The following ACIN1 variants were observed in gnomAD, a reference collection of about 807,000 sequenced individuals.
ACIN1 encodes the protein apoptotic chromatin condensation inducer in the nucleus.
In ACIN1, 16 loss-of-function variants were observed where a neutral mutation model predicts 146.6. The observed-to-expected ratio is 0.11, with a 90% confidence interval of 0.07 to 0.17. The LOEUF (loss-of-function observed/expected upper bound fraction) is 0.17. Ranked by LOEUF, ACIN1 falls within the 10% of genes least tolerant of loss-of-function variation. ACIN1 has a pLI of 1.00. For synonymous variants in ACIN1, 569 were observed against 582.7 expected (o/e 0.98, Z 0.34); for missense variants, 1,357 against 1,609.3 (o/e 0.84, Z 2.68).
rs2047183353 is a variant in ACIN1 at position 23,059,086 on chromosome 14, C to G, written c.*62G>C. ...AGGGTGGTGGAGACTGTGCCTATCCCTCTGTGGCCATAACCCCCTGGGGCC... is the reference window on the plus strand; with the variant it reads ...AGGGTGGTGGAGACTGTGCCTATCCGTCTGTGGCCATAACCCCCTGGGGCC... On this transcript the variant is annotated 3_prime_UTR_variant, in exon 19 of 19. Transcript: ENST00000605057. 5.9e-6 allele frequency: 9 copies of G among 1,525,624 alleles called. No individual in the cohort carries two copies. In the East Asian group the frequency reaches 2.0e-4, roughly 34 times the overall value. The allele number at this position is 1,525,624 out of a possible 1,614,324, so 94.5% of individuals were successfully genotyped here. A position where few individuals can be genotyped will look rare whatever the true frequency, so the allele number is the denominator to read the frequency against.
chr14:23,093,323 A>G (rs1226971012), intron 2 of ACIN1, among the ~76,000 whole-genome samples, 156 bp downstream of exon 2: 1 of 152,222 alleles, frequency 6.6e-6, no homozygotes, highest in Non-Finnish European at 1.5e-5. Flanking sequence ...AACTGGGTTG[A>G]TTAGAATTCA....
chr14:23,071,241 G>GA (rs1295222048), intron 8 of ACIN1: 49 of 1,494,472 alleles, frequency 3.3e-5, no homozygotes, highest in Non-Finnish European at 3.7e-5. Flanking sequence ...AAAAAATAAA[G>GA]AAAAAAAACC....
At chr14:23,086,963 C>G (rs2048104944) in intron 4 of ACIN1, among the ~76,000 whole-genome samples, 1 of 152,152 alleles carries the variant, frequency 6.6e-6, no homozygotes, top group Non-Finnish European at 1.5e-5. Context: ...CCCAGGACTC[C>G]CATTCCTTGA....
chr14:23,059,284 C>T lies in ACIN1; in HGVS notation c.3716G>A (p.Arg1239Gln). The T allele has an allele frequency of 2.5e-6, 4 of 1,605,302 alleles. No individual in the cohort carries two copies. The highest frequency in any genetic ancestry group is 3.4e-6 in the Non-Finnish European group (4 of 1,171,954). The change falls in exon 19 of 19, where the codon CGG becomes CAG. Residue 1239 changes from arginine (R) to glutamine (Q), a missense_variant. Physicochemically the swap from Arg to Gln is conservative, Grantham distance 43 (BLOSUM62 1). This residue lies in a region of ACIN1 where 509 missense variants were observed against 719.6 expected (regional missense o/e 0.71). Coordinates refer to ENST00000605057, the MANE Select transcript of ACIN1 (RefSeq NM_001386863.1). Reference sequence around the variant, plus strand: ...ATCCCGATCTCGGTCCCCCCTGTCCCGCTCCCTTTCTCTCTCTCTCTCCCT... The same window carrying T: ...ATCCCGATCTCGGTCCCCCCTGTCCTGCTCCCTTTCTCTCTCTCTCTCCCT... ...RDRERERERE[R>Q]DRGDRDRDRE...
chr14:23,078,134 C>T lies in ACIN1; in HGVS notation c.2123+17G>A, dbSNP rs753854499. The stretch of plus-strand genomic sequence containing the variant: ...TCATAGTTCCCTGTTATACCCCGGT[C>T]GAGATATATCACTTACACAGTGTGA... On this transcript the variant is annotated intron_variant, in intron 8 of 18. Coordinates refer to ENST00000605057, the MANE Select transcript of ACIN1 (RefSeq NM_001386863.1). The T allele has an allele frequency of 9.3e-6, 15 of 1,611,280 alleles. No individual in the cohort carries two copies. Among genetic ancestry groups the T allele is most frequent in the East Asian group, 8.9e-5 (4 of 44,852 alleles).
Position 23,093,560 on chromosome 14 carries a change from G to C in ACIN1, c.139-16C>G. ...GCATTAGAGCCTGGTATAGAGAAGG[G>C]TAAAAGTCAGAAATGATGAGGAAAA... On this transcript the variant is annotated splice_polypyrimidine_tract_variant and intron_variant, in intron 1 of 18. Transcript: ENST00000605057. The C allele has an allele frequency of 6.2e-7, 1 of 1,609,566 alleles. No individual in the cohort carries two copies. Among genetic ancestry groups the C allele is most frequent in the Non-Finnish European group, 8.5e-7 (1 of 1,176,370 alleles).
chr14:23,069,620 GAC>G lies in ACIN1; in HGVS notation c.2124-5_2124-4del. ...TGGTCACTTCCTCCTTCTCCTCACT[GAC>G]AGGAGGGGGGAGTGGTGGTGGGGGG... On this transcript the variant is annotated splice_polypyrimidine_tract_variant and splice_region_variant and intron_variant, in intron 8 of 18. Coordinates refer to ENST00000605057, the MANE Select transcript of ACIN1 (RefSeq NM_001386863.1). 1 of 719,464 alleles carries G rather than the reference GAC, an allele frequency of 1.4e-6. No individual in the cohort carries two copies. The highest frequency in any genetic ancestry group is 1.4e-5 in the South Asian group (1 of 72,106). The allele number at this position is 719,464 out of a possible 1,614,324, so 44.6% of individuals were successfully genotyped here.
At chr14:23,084,414 G>T (rs540317539) in intron 4 of ACIN1, among the ~76,000 whole-genome samples, 1 of 152,142 alleles carries the variant, frequency 6.6e-6, no homozygotes, top group African/African-American at 2.4e-5. Flanking sequence ...AGATTAGCCT[G>T]GCCAATTAGG....
At chr14:23,070,972 T>C (rs1321615375) in intron 8 of ACIN1, among the ~76,000 whole-genome samples, 2 of 151,912 alleles carry the variant, frequency 1.3e-5, no homozygotes, top group Non-Finnish European at 2.9e-5. Flanking sequence ...GTGGGGCCAA[T>C]TAGAAACTGG....
At position 23,080,474 on chromosome 14, in the gene ACIN1, T is replaced by C. The variant is rs1206535207; in HGVS notation, c.861A>G (p.Glu287=). The C allele has an allele frequency of 6.2e-7, 1 of 1,614,206 alleles. No homozygotes were observed. The highest frequency in any genetic ancestry group is 1.1e-5 in the South Asian group (1 of 91,080). Residue 287 remains glutamate, a synonymous_variant, in exon 6 of 19, where the codon GAA becomes GAG. Transcript: ENST00000605057. ...ERGGRFTRSQ[E]EARKSHLARQ... ...TGGCCAGATGACTTTTTCTAGCCTC[T>C]TCCTGGGATCTTGTAAATCTCCCTC...
chr14:23,059,189 T>A lies in ACIN1; in HGVS notation c.3811A>T (p.Ser1271Cys). Residue 1271 changes from serine (S) to cysteine (C), a missense_variant, in exon 19 of 19, where the codon AGT becomes TGT. Ser to Cys is a moderately radical substitution (Grantham distance 112, BLOSUM62 -1). Around this residue, in one of 4 missense-constraint regions of ACIN1, gnomAD observed 509 missense variants for 719.6 expected, o/e 0.71. Transcript: ENST00000605057. ...CGGTCCCGCACAGGTGTGCTCCGACTCCGGCTTCTGCTGTGGCGCTTGGTG... is the reference window on the plus strand; with the variant it reads ...CGGTCCCGCACAGGTGTGCTCCGACACCGGCTTCTGCTGTGGCGCTTGGTG... ...RDTKRHSRSRSRSTPVRDRGG... is the reference protein window; with the variant it reads ...RDTKRHSRSRCRSTPVRDRGG... The A allele has an allele frequency of 6.2e-7, 1 of 1,613,968 alleles. No individual in the cohort carries two copies. The highest frequency in any genetic ancestry group is 8.5e-7 in the Non-Finnish European group (1 of 1,179,982).
At position 23,079,755 on chromosome 14, in the gene ACIN1, G is replaced by T. The variant is rs142409051; in HGVS notation, c.1580C>A (p.Ser527Tyr). ...AGATCTTGATCTAGAACTGGAGGAG[G>T]AAGATGAGGAGGACCGGCTAGAGGA... is the stretch of plus-strand genomic sequence containing the variant. ...DSSSSRSSSS[S>Y]SSSSRSRSRS... is the part of the protein sequence containing the mutation. The change falls in exon 6 of 19, where the codon TCC becomes TAC. Residue 527 changes from serine (S) to tyrosine (Y), a missense_variant. Transcript: ENST00000605057. 1 of 1,614,072 alleles carries T rather than the reference G, an allele frequency of 6.2e-7. No homozygotes were observed. The highest frequency in any genetic ancestry group is 1.3e-5 in the African/African-American group (1 of 74,916).
chr14:23,063,710 C>T lies in ACIN1; in HGVS notation c.2596-133G>A, dbSNP rs1316163906. 3.3e-5 allele frequency: 35 copies of T among 1,053,154 alleles called. No individual in the cohort carries two copies. In the East Asian group the frequency reaches 6.0e-4, roughly 18 times the overall value. The allele number at this position is 1,053,154 out of a possible 1,614,324, so 65.2% of individuals were successfully genotyped here. On this transcript the variant is annotated intron_variant, in intron 12 of 18. Transcript: ENST00000605057. ...TCCGCTAGGGGTATTTCGTTATCGGCTCACTTCTACCAGATCCTGGGATTG... is the reference window on the plus strand; with the variant it reads ...TCCGCTAGGGGTATTTCGTTATCGGTTCACTTCTACCAGATCCTGGGATTG...
chr14:23,078,337 A>G, intron 7 of ACIN1, 71 bp from the exon 8 acceptor site: 4 of 1,385,550 alleles, frequency 2.9e-6, no homozygotes, highest in South Asian at 2.4e-5. Context: ...TTCTACCTGG[A>G]GCCTGAAAAA....
At chr14:23,062,085 G>C in intron 16 of ACIN1, 83 bp downstream of exon 16, 1 of 1,145,728 alleles carries the variant, frequency 8.7e-7, no homozygotes, top group East Asian at 2.3e-5. Context: ...AGAGACTGCA[G>C]GTCTGGCAAG....
At chr14:23,095,309 T>C (rs1433897399), upstream of ACIN1, 1 of 1,579,960 alleles carries the variant, frequency 6.3e-7, no homozygotes, top group African/African-American at 1.3e-5. Flanking sequence ...ATTCTTTCCA[T>C]CCGCCCTGCA....
intron 5 of ACIN1, 51 bp from the exon 6 acceptor site, chr14:23,080,860 AGAG>A (rs776679130): frequency 6.5e-7 from 1 of 1,534,388 alleles, no homozygotes; most frequent in Non-Finnish European, 8.7e-7. Context: ...CACAGTCAAC[AGAG>A]GAGAGAAAGT....
chr14:23,062,852 T>C, intron 14 of ACIN1, 77 bp downstream of exon 14: 2 of 1,469,852 alleles, frequency 1.4e-6, no homozygotes, highest in Non-Finnish European at 1.8e-6. Flanking sequence ...CAACTATGAG[T>C]GGAACCTAGG....
At chr14:23,095,302 C>A (rs775951028), upstream of ACIN1, 3 of 1,584,732 alleles carry the variant, frequency 1.9e-6, no homozygotes, top group Non-Finnish European at 1.7e-6. Context: ...CCAATCAATT[C>A]TTTCCATCCG....
Sources: allele counts gnomAD v4.1 joint callset (sites outside exome capture counted in the v4.1 genomes callset), GRCh38; gene constraint gnomAD v4.1.1; regional missense constraint gnomAD v4.1.1; transcripts MANE v1.5; gene names NCBI Gene and HGNC (gene_info 2026-07-23, HGNC 2026-07-21).